GRIP1: variants seen among roughly 807,000 people sequenced by gnomAD.
GRIP1 encodes the protein glutamate receptor-interacting protein 1.
A neutral mutation model predicts 129.9 loss-of-function variants in GRIP1; 45 were observed. The observed-to-expected ratio is 0.35, with a 90% CI of 0.27 to 0.44. The LOEUF is 0.44. Among genes scored for constraint, GRIP1 ranks in the 20% least tolerant of loss-of-function variants. The probability of loss-of-function intolerance (pLI) is 1.00; values close to 1 mark genes in which losing one functional copy is unlikely to be tolerated. For missense variants in GRIP1, 1,196 were observed against 1,396.8 expected, an observed-to-expected ratio of 0.86 and a Z score of 2.29; for synonymous variants, 530 against 520.8, an observed-to-expected ratio of 1.02 and a Z score of -0.24.
At chr12:66,887,510 T>C (rs1488995203) in intron 1 of GRIP1, among the ~76,000 whole-genome samples, 2 of 152,190 alleles carry the variant, frequency 1.3e-5, no homozygotes, top group African/African-American at 4.8e-5. Flanking sequence ...TCATTTCTAG[T>C]GACATAATCA....
intron 1 of GRIP1, among the ~76,000 whole-genome samples, chr12:66,661,431 C>T (rs1056631170): frequency 5.2e-5 from 6 of 116,220 alleles, no homozygotes; most frequent in Admixed American, 2.2e-4. Flanking sequence ...TAAGGTTGTA[C>T]GAAAATGAAA....
At chr12:66,525,124 C>T (rs1358196486) in intron 5 of GRIP1, among the ~76,000 whole-genome samples, 1 of 152,206 alleles carries the variant, frequency 6.6e-6, no homozygotes, top group Admixed American at 6.5e-5. Context: ...GGTGCCATTC[C>T]TTCTGAAATT....
chr12:66,578,524 G>T (rs2063231762), intron 2 of GRIP1, among the ~76,000 whole-genome samples: 2 of 152,254 alleles, frequency 1.3e-5, no homozygotes, highest in South Asian at 4.1e-4. Context: ...GGTGACAGAG[G>T]GCACCTGGAA....
rs949214406 is a variant in GRIP1, at chr12:66,995,506, G to A, written c.58+73544C>T. On this transcript the variant is annotated intron_variant, in intron 1 of 1. Coordinates refer to the GRIP1 transcript ENST00000643019. ...AACTATTAACACTCAATAACAAGAA[G>A]ACAAATAATAAAAATGGGTAAATAA... Among the ~76,000 whole-genome samples the A allele has an allele frequency of 2.6e-5, 4 of 151,646 alleles. No individual in the cohort carries two copies. The South Asian group carries it at 8.3e-4, about 32-fold the overall frequency.
At chr12:66,493,818 T>C (rs776728064) in intron 7 of GRIP1, among the ~76,000 whole-genome samples, 1 of 152,216 alleles carries the variant, frequency 6.6e-6, no homozygotes, top group Non-Finnish European at 1.5e-5. Flanking sequence ...GATACCTTTA[T>C]TATGTTAAGA....
chr12:66,678,710 T>C (rs1251262275), intron 1 of GRIP1, 140 bp downstream of exon 1: 2 of 768,536 alleles, frequency 2.6e-6, no homozygotes, highest in African/African-American at 1.7e-5. Flanking sequence ...TACATATGTA[T>C]CTATACATAT....
At chr12:66,591,514 A>AT (rs35698933) in intron 2 of GRIP1, among the ~76,000 whole-genome samples, 31,663 of 151,870 alleles carry the variant, frequency 0.21, 3,809 homozygotes, top group Admixed American at 0.26. Flanking sequence ...TTAATAGCAG[A>AT]TTTTGCCTTA....
intron 1 of GRIP1, among the ~76,000 whole-genome samples, chr12:66,733,239 A>G (rs1024686485): frequency 1.3e-5 from 2 of 152,088 alleles, no homozygotes; most frequent in African/African-American, 4.8e-5. Context: ...GTTTTTATAC[A>G]TTGTTGGTTG....
At chr12:66,541,746 T>G in intron 3 of GRIP1, 69 bp downstream of exon 3, 1 of 1,516,338 alleles carries the variant, frequency 6.6e-7, no homozygotes, top group Non-Finnish European at 9.2e-7. Context: ...CCACTTTTGA[T>G]GGAGCTTTAA....
At chr12:66,849,756 C>T (rs2039878854) in intron 1 of GRIP1, among the ~76,000 whole-genome samples, 1 of 152,206 alleles carries the variant, frequency 6.6e-6, no homozygotes, top group Non-Finnish European at 1.5e-5. Context: ...GGCATGTGGG[C>T]TAGCCCAAGA....
intron 19 of GRIP1, among the ~76,000 whole-genome samples, chr12:66,386,416 G>A (rs1473290287): frequency 1.3e-5 from 2 of 152,080 alleles, no homozygotes; most frequent in Admixed American, 6.6e-5. Flanking sequence ...GGTGGATCGC[G>A]AGGTCAGGAA....
In GRIP1 at chr12:67,058,176, T is replaced by C. The variant is rs1592527122; in HGVS notation, c.58+10874A>G. Among the ~76,000 whole-genome samples, 5 of 152,348 alleles carry C rather than the reference T, an allele frequency of 3.3e-5. 1 individual carries two copies. Among genetic ancestry groups the C allele is most frequent in the Admixed American group, 3.3e-4 (5 of 15,306 alleles). On this transcript the variant is annotated intron_variant, in intron 1 of 1. Transcript: ENST00000643019. ...ACCAGAATAAACAAATAAATACCTA[T>C]CACATTACTGTGTTATTCTCTACTG...
At chr12:66,783,532 A>G (rs1460147584) in intron 1 of GRIP1, among the ~76,000 whole-genome samples, 1 of 152,198 alleles carries the variant, frequency 6.6e-6, no homozygotes, top group Non-Finnish European at 1.5e-5. Context: ...GAGTTAATCA[A>G]CACTCAGAGA....
intron 1 of GRIP1, among the ~76,000 whole-genome samples, chr12:66,626,091 G>T (rs1313205720): frequency 3.3e-5 from 5 of 152,062 alleles, no homozygotes; most frequent in African/African-American, 1.2e-4. Context: ...TTGGGAGGCC[G>T]ACGTGGGCAG....
At chr12:66,473,278 T>A (rs895351540) in intron 7 of GRIP1, among the ~76,000 whole-genome samples, 2 of 152,304 alleles carry the variant, frequency 1.3e-5, no homozygotes, top group African/African-American at 2.4e-5. Context: ...CCTCTCTAGA[T>A]TCCTCCTCTC....
intron 1 of GRIP1, among the ~76,000 whole-genome samples, chr12:66,719,477 C>T (rs10878499): frequency 0.057 from 8,609 of 152,240 alleles, 342 homozygotes; most frequent in East Asian, 0.19. Flanking sequence ...TATCACTTGA[C>T]TAATAGGAAC....
At chr12:66,537,415 T>G (rs1275396627) in intron 4 of GRIP1, among the ~76,000 whole-genome samples, 1 of 152,046 alleles carries the variant, frequency 6.6e-6, no homozygotes, top group Non-Finnish European at 1.5e-5. Flanking sequence ...TGCCAGACAT[T>G]TGGTACAATC....
At chr12:66,555,415 C>T (rs1479261838) in intron 2 of GRIP1, among the ~76,000 whole-genome samples, 1 of 152,152 alleles carries the variant, frequency 6.6e-6, no homozygotes, top group Non-Finnish European at 1.5e-5. Context: ...CACGTCCCTT[C>T]AAATACCTGC....
At chr12:66,629,624 AG>A (rs2030518020) in intron 1 of GRIP1, among the ~76,000 whole-genome samples, 1 of 152,222 alleles carries the variant, frequency 6.6e-6, no homozygotes, top group African/African-American at 2.4e-5. Flanking sequence ...CACAGGGAAA[AG>A]AACGTGGTTA....
Sources: gnomAD v4.1 joint callset for allele counts (sites outside exome capture counted in the v4.1 genomes callset) on GRCh38, gnomAD v4.1.1 for gene constraint, MANE v1.5 for transcripts, NCBI Gene and HGNC (gene_info 2026-07-23, HGNC 2026-07-21) for gene names.